HS2ST1: variants seen among roughly 807,000 people sequenced by gnomAD.
HS2ST1 encodes 2-O-sulfotransferase.
Under a neutral mutation model 42.9 loss-of-function variants are expected in HS2ST1, and 18 were observed. The ratio of observed to expected loss-of-function variants is 0.42; its 90% CI spans 0.29 to 0.62. The LOEUF is 0.62. Ranked by LOEUF, HS2ST1 falls within the 20% of genes least tolerant of loss-of-function variation. The pLI is 0.21. For missense variants in HS2ST1, 334 were observed against 433.8 expected (o/e 0.77, Z 2.04); for synonymous variants, 146 against 152.9 (o/e 0.95, Z 0.33).
intron 1 of HS2ST1, among the ~76,000 whole-genome samples, chr1:86,954,183 C>G (rs1187915096): frequency 6.6e-6 from 1 of 151,788 alleles, no homozygotes; most frequent in Non-Finnish European, 1.5e-5. Flanking sequence ...AACCCAGTCT[C>G]TCTAAAAATA....
intron 1 of HS2ST1, among the ~76,000 whole-genome samples, chr1:87,031,180 A>G (rs1428492867): frequency 1.3e-5 from 2 of 152,052 alleles, no homozygotes; most frequent in African/African-American, 4.8e-5. Flanking sequence ...GCCTCAAGCA[A>G]TCTGCCCGCC....
Position 86,942,944 on chromosome 1 carries a change from A to G in HS2ST1, c.124+27784A>G, listed in dbSNP as rs151039804. Among the ~76,000 whole-genome samples the G allele has an allele frequency of 2.2e-3, 332 of 152,076 alleles. 1 individual carries two copies. In the East Asian group the frequency reaches 0.026, roughly 12 times the overall value. On this transcript the variant is annotated intron_variant, in intron 1 of 6. Coordinates refer to ENST00000370550, the MANE Select transcript of HS2ST1 (RefSeq NM_012262.4). ...GATTTTTTTTCCCCCCTTATCTACA[A>G]TCATCAGACTTTCTGGCTCTGTCTC...
chr1:87,070,662 A>G (rs919352516), intron 1 of HS2ST1, among the ~76,000 whole-genome samples: 1 of 152,096 alleles, frequency 6.6e-6, no homozygotes, highest in Non-Finnish European at 1.5e-5. Context: ...CAACTTCCAA[A>G]TCTTGTATGG....
intron 1 of HS2ST1, among the ~76,000 whole-genome samples, chr1:86,938,401 G>T (rs1416187854): frequency 1.3e-5 from 2 of 152,114 alleles, no homozygotes; most frequent in African/African-American, 4.8e-5. Context: ...TACTTACAAT[G>T]TCAGTACTTT....
chr1:87,003,430 T>G (rs1376800863), intron 1 of HS2ST1, among the ~76,000 whole-genome samples: 1 of 152,210 alleles, frequency 6.6e-6, no homozygotes, highest in African/African-American at 2.4e-5. Flanking sequence ...AGTTTTTGTT[T>G]TTATGAATAG....
chr1:87,047,287 T>C (rs1235823073), intron 1 of HS2ST1, among the ~76,000 whole-genome samples: 1 of 152,204 alleles, frequency 6.6e-6, no homozygotes, highest in Non-Finnish European at 1.5e-5. Context: ...AAAAATGGAC[T>C]GGCTATTTTC....
At chr1:87,003,144 G>A (rs999983028) in intron 1 of HS2ST1, among the ~76,000 whole-genome samples, 1 of 152,242 alleles carries the variant, frequency 6.6e-6, no homozygotes, top group African/African-American at 2.4e-5. Context: ...AACAGGGAAA[G>A]CAAAGTATTG....
intron 3 of HS2ST1, among the ~76,000 whole-genome samples, chr1:87,087,321 TC>T (rs1267720289): frequency 6.6e-6 from 1 of 152,136 alleles, no homozygotes; most frequent in African/African-American, 2.4e-5. Context: ...TTTTTTATGA[TC>T]TAGCTACCTC....
intron 1 of HS2ST1, among the ~76,000 whole-genome samples, chr1:87,063,013 G>A (rs1227087875): frequency 6.6e-6 from 1 of 152,110 alleles, no homozygotes; most frequent in Non-Finnish European, 1.5e-5. Context: ...TTTGGAGTTT[G>A]TTCAGCTTCT....
chr1:87,025,832 G>T (rs979715412), intron 1 of HS2ST1, among the ~76,000 whole-genome samples: 20 of 152,076 alleles, frequency 1.3e-4, no homozygotes, highest in Non-Finnish European at 8.8e-5. Context: ...CAGGAATTAA[G>T]ATTTGCAGAA....
At chr1:86,946,772 T>C (rs1228917476) in intron 1 of HS2ST1, among the ~76,000 whole-genome samples, 3 of 152,222 alleles carry the variant, frequency 2.0e-5, no homozygotes, top group African/African-American at 7.2e-5. Context: ...GCATTGCAGA[T>C]GTGTACCATA....
At chr1:86,942,738 G>A (rs1444568418) in intron 1 of HS2ST1, among the ~76,000 whole-genome samples, 1 of 152,074 alleles carries the variant, frequency 6.6e-6, no homozygotes, top group Non-Finnish European at 1.5e-5. Context: ...ATCTCCTTAA[G>A]AAGAAATAAG....
In HS2ST1 at chr1:86,935,455, CTTTTTTTTTTTTTTTTT is replaced by C. The variant is rs552713297; in HGVS notation, c.124+20304_124+20320del. On this transcript the variant is annotated intron_variant, in intron 1 of 6. Coordinates refer to ENST00000370550, the MANE Select transcript of HS2ST1 (RefSeq NM_012262.4). ...GAGGTTTTGTAATTTTCTTTTTCTC[CTTTTTTTTTTTTTTTTT>C]TTTTTTTTGAGATAGAGGCTTGCTC... Among the ~76,000 whole-genome samples, 551 of 62,128 alleles carry C rather than the reference CTTTTTTTTTTTTTTTTT, an allele frequency of 8.9e-3. 4 individuals are homozygous for C. The highest frequency in any genetic ancestry group is 0.069 in the Middle Eastern group (4 of 58). 40.8% of individuals were successfully genotyped at this position (62,128 alleles called of 152,430 possible). A position where few individuals can be genotyped will look rare whatever the true frequency, so the allele number is the denominator to read the frequency against.
At chr1:87,019,502 T>C (rs146808957) in intron 1 of HS2ST1, among the ~76,000 whole-genome samples, 9 of 152,326 alleles carry the variant, frequency 5.9e-5, no homozygotes, top group South Asian at 2.1e-4. Context: ...TTTACTTTTT[T>C]CCCCAAAAGT....
intron 1 of HS2ST1, among the ~76,000 whole-genome samples, chr1:86,951,872 G>T (rs933654374): frequency 2.0e-5 from 3 of 152,176 alleles, no homozygotes; most frequent in Non-Finnish European, 2.9e-5. Flanking sequence ...ACCAGGCATA[G>T]ATTTCATCTC....
At chr1:87,019,898 A>G (rs1453417293) in intron 1 of HS2ST1, among the ~76,000 whole-genome samples, 3 of 152,230 alleles carry the variant, frequency 2.0e-5, no homozygotes, top group Non-Finnish European at 4.4e-5. Context: ...GCTGTCAACA[A>G]TAAAAACTTT....
chr1:86,965,358 C>A (rs370718871), intron 1 of HS2ST1, among the ~76,000 whole-genome samples: 3 of 151,982 alleles, frequency 2.0e-5, no homozygotes, highest in South Asian at 2.1e-4. Context: ...GCTTTTCCCC[C>A]CTCTGCACAG....
At chr1:86,925,594 C>G (rs79128206) in intron 1 of HS2ST1, among the ~76,000 whole-genome samples, 1 of 152,058 alleles carries the variant, frequency 6.6e-6, no homozygotes, top group African/African-American at 2.4e-5. Flanking sequence ...TTCAGGGGAA[C>G]GCCTCTTTTT....
intron 1 of HS2ST1, chr1:87,064,511 TA>T: frequency 1.9e-6 from 1 of 518,688 alleles, no homozygotes; most frequent in Non-Finnish European, 3.9e-6. Context: ...CCATAACTTG[TA>T]AGTTTTAATG....
Sources: allele counts gnomAD v4.1 joint callset (sites outside exome capture counted in the v4.1 genomes callset), GRCh38; gene constraint gnomAD v4.1.1; transcripts MANE v1.5; gene names NCBI Gene and HGNC (gene_info 2026-07-23, HGNC 2026-07-21).